TNFRSF10B: variants seen among roughly 807,000 people sequenced by gnomAD.
TNFRSF10B encodes the protein TNF receptor superfamily member 10b, also known as tumor necrosis factor receptor superfamily member 10B.
In TNFRSF10B, 35 loss-of-function variants were observed where a neutral mutation model predicts 41.4. The observed-to-expected ratio is 0.85, with a 90% CI of 0.65 to 1.12. The LOEUF is 1.12. TNFRSF10B is among the 50% of genes most tolerant of loss of function. The pLI, the probability that TNFRSF10B is intolerant of heterozygous loss-of-function variation, is 0.00. For synonymous variants in TNFRSF10B, 230 were observed against 215.5 expected, an observed-to-expected ratio of 1.07 and a Z score of -0.59; for missense variants, 584 against 552.7, an observed-to-expected ratio of 1.06 and a Z score of -0.57.
At chr8:23,041,907 CCCTCCT>C (rs1812213534) in intron 2 of TNFRSF10B, among the ~76,000 whole-genome samples, 1 of 152,142 alleles carries the variant, frequency 6.6e-6, no homozygotes, top group Non-Finnish European at 1.5e-5. Flanking sequence ...TCAGTTGTGC[CCCTCCT>C]CAGTATTTAC....
chr8:23,029,799 T>C, intron 3 of TNFRSF10B, 78 bp from the exon 4 acceptor site: 1 of 1,401,808 alleles, frequency 7.1e-7, no homozygotes, highest in Non-Finnish European at 9.9e-7. Flanking sequence ...CCCAAGACCC[T>C]GCTACTCAGC....
At chr8:23,066,945 T>C (rs1813003329) in intron 1 of TNFRSF10B, among the ~76,000 whole-genome samples, 1 of 151,868 alleles carries the variant, frequency 6.6e-6, no homozygotes, top group African/African-American at 2.4e-5. Flanking sequence ...AAACCCCAAA[T>C]CCAAGAAATT....
At chr8:23,042,213 C>G (rs1812222435) in intron 2 of TNFRSF10B, among the ~76,000 whole-genome samples, 1 of 152,226 alleles carries the variant, frequency 6.6e-6, no homozygotes, top group Admixed American at 6.5e-5. Context: ...ACGCTGGGTT[C>G]TTCCTTCTCC....
chr8:23,027,384 C>G, intron 6 of TNFRSF10B, 96 bp from the exon 7 acceptor site: 1 of 1,488,866 alleles, frequency 6.7e-7, no homozygotes, highest in Non-Finnish European at 9.3e-7. Context: ...CCTGACATCC[C>G]CACCCCCTCT....
At position 23,022,765 on chromosome 8, in the gene TNFRSF10B, C is replaced by T. The variant is rs780817848; in HGVS notation, c.1229G>A (p.Gly410Glu). The T allele has an allele frequency of 1.2e-6, 2 of 1,613,850 alleles. No homozygotes were observed. Among genetic ancestry groups the T allele is most frequent in the Non-Finnish European group, 1.7e-6 (2 of 1,179,960 alleles). ...HTLLDALETLGERLAKQKIED... is the reference protein window; with the variant it reads ...HTLLDALETLEERLAKQKIED... The stretch of plus-strand genomic sequence containing the variant: ...AATCTTCTGCTTGGCAAGTCTCTCT[C>T]CCAGCGTCTCCAAGGCATCCAGCAG... The change falls in exon 9 of 9, where the codon GGA (glycine) becomes GAA (glutamate). Residue 410 changes from glycine (G) to glutamate (E), a missense_variant. Transcript: ENST00000276431.
At chr8:23,049,280 C>G (rs1349852107) in intron 1 of TNFRSF10B, among the ~76,000 whole-genome samples, 2 of 152,146 alleles carry the variant, frequency 1.3e-5, no homozygotes, top group Non-Finnish European at 2.9e-5. Flanking sequence ...AAAACCCCAC[C>G]AAGAGTTTTG....
rs1019308521 is a variant in TNFRSF10B, at chr8:23,024,135, C to A, written c.1009+53G>T. 18 of 1,606,252 alleles carry A rather than the reference C, an allele frequency of 1.1e-5. No homozygotes were observed. In the Admixed American group the frequency reaches 3.0e-4, roughly 27 times the overall value. On this transcript the variant is annotated intron_variant, in intron 8 of 8. Coordinates refer to ENST00000276431, the MANE Select transcript of TNFRSF10B (RefSeq NM_003842.5). Reference sequence around the variant, plus strand: ...TGACCTCTGGGGACAGCAGTTAGGACCCTGTCCCTATTCCCTCCATTCCTG... The same window carrying A: ...TGACCTCTGGGGACAGCAGTTAGGAACCTGTCCCTATTCCCTCCATTCCTG...
intron 2 of TNFRSF10B, among the ~76,000 whole-genome samples, chr8:23,037,038 C>G (rs532920770): frequency 6.6e-6 from 1 of 152,206 alleles, no homozygotes; most frequent in East Asian, 1.9e-4. Context: ...TGTGGATAGA[C>G]CTTTCTCAAT....
intron 1 of TNFRSF10B, among the ~76,000 whole-genome samples, chr8:23,059,546 G>T (rs536761662): frequency 6.6e-6 from 1 of 152,012 alleles, no homozygotes; most frequent in African/African-American, 2.4e-5. Context: ...TCGTTCTGTC[G>T]CCCAGGCTGG....
chr8:23,029,471 C>G (rs188704110), intron 4 of TNFRSF10B, 139 bp downstream of exon 4: 7 of 796,688 alleles, frequency 8.8e-6, no homozygotes, highest in Non-Finnish European at 1.5e-5. Flanking sequence ...GGTGGTGACA[C>G]GCAGAGGGAC....
Position 23,020,715 on chromosome 8 carries a change from AATCTT to A in TNFRSF10B, c.*1951_*1955del, listed in dbSNP as rs1395154847. On this transcript the variant is annotated 3_prime_UTR_variant, in exon 9 of 9. Transcript: ENST00000276431. Reference sequence around the variant, plus strand: ...TCAAAAAAATTAAAAATAAAAGAAAAATCTTAAACACTGATAAGGCTGACACTCTA... The same window carrying A: ...TCAAAAAAATTAAAAATAAAAGAAAAAAACACTGATAAGGCTGACACTCTA... 2.2e-6 allele frequency: 1 copy of A among 453,460 alleles called. No individual in the cohort carries two copies. Among genetic ancestry groups the A allele is most frequent in the African/African-American group, 2.0e-5 (1 of 49,718 alleles). 28.1% of individuals were successfully genotyped at this position (453,460 alleles called of 1,614,324 possible).
intron 5 of TNFRSF10B, 53 bp from the exon 6 acceptor site, chr8:23,027,806 C>A (rs756503422): frequency 6.2e-7 from 1 of 1,611,828 alleles, no homozygotes; most frequent in South Asian, 1.1e-5. Context: ...TGAAGCACCC[C>A]CCTCCCAGAG....
At chr8:23,066,633 C>G (rs1440527084) in intron 1 of TNFRSF10B, among the ~76,000 whole-genome samples, 1 of 152,004 alleles carries the variant, frequency 6.6e-6, no homozygotes, top group East Asian at 1.9e-4. Context: ...CTCGGCTGGG[C>G]GTGGTGGCTC....
At chr8:23,042,125 C>T (rs59119269) in intron 2 of TNFRSF10B, among the ~76,000 whole-genome samples, 8,300 of 152,256 alleles carry the variant, frequency 0.055, 271 homozygotes, top group African/African-American at 0.073. Flanking sequence ...TGAGTCCTTC[C>T]TATTCCCGTC....
Position 23,028,605 on chromosome 8 carries a change from G to C in TNFRSF10B, c.477-3C>G. 3.1e-6 allele frequency: 5 copies of C among 1,614,072 alleles called. No homozygotes were observed. Among genetic ancestry groups the C allele is most frequent in the Non-Finnish European group, 4.2e-6 (5 of 1,179,974 alleles). On this transcript the variant is annotated splice_polypyrimidine_tract_variant and splice_region_variant and intron_variant, in intron 4 of 8. Coordinates refer to ENST00000276431, the MANE Select transcript of TNFRSF10B (RefSeq NM_003842.5). ...CCTTGACCATCCCTCTGGGACACCT[G>C]GGTACACACACAGAGGGAGAGGGGG...
chr8:23,031,500 C>A (rs1403848901), intron 2 of TNFRSF10B, among the ~76,000 whole-genome samples: 1 of 151,884 alleles, frequency 6.6e-6, no homozygotes, highest in Non-Finnish European at 1.5e-5. Flanking sequence ...CCCTCCCTCT[C>A]CCCCCGACCC....
intron 5 of TNFRSF10B, 127 bp from the exon 6 acceptor site, chr8:23,027,880 A>C: frequency 8.8e-7 from 1 of 1,140,902 alleles, no homozygotes; most frequent in South Asian, 1.3e-5. Flanking sequence ...GGGGCTGGGG[A>C]CAGAATGGGG....
At chr8:23,056,993 T>C (rs1187613141) in intron 1 of TNFRSF10B, among the ~76,000 whole-genome samples, 1 of 151,976 alleles carries the variant, frequency 6.6e-6, no homozygotes, top group Non-Finnish European at 1.5e-5. Context: ...ATGTGTCCTC[T>C]TATAAATGTC....
At chr8:23,049,987 GT>G (rs1812479512) in intron 1 of TNFRSF10B, 1 of 152,280 alleles carries the variant, frequency 6.6e-6, no homozygotes, top group Non-Finnish European at 1.5e-5. Context: ...GTCAGGTGAG[GT>G]TTCCCCAGGG....
Sources: allele counts gnomAD v4.1 joint callset (sites outside exome capture counted in the v4.1 genomes callset), GRCh38; gene constraint gnomAD v4.1.1; transcripts MANE v1.5; gene names NCBI Gene and HGNC (gene_info 2026-07-23, HGNC 2026-07-21).